KDM4B: variants seen among roughly 807,000 people sequenced by gnomAD.
KDM4B encodes lysine demethylase 4B.
A neutral mutation model predicts 125.2 loss-of-function variants in KDM4B; 32 were observed. That is an observed-to-expected ratio of 0.26 (90% CI 0.19 to 0.34). The LOEUF (loss-of-function observed/expected upper bound fraction) is 0.34, where lower values mean the gene tolerates loss of function less well. KDM4B is among the 10% of genes least tolerant of loss of function. KDM4B has a pLI of 1.00. For missense variants in KDM4B, 1,190 were observed against 1,577.7 expected (o/e 0.75, Z 4.16); for synonymous variants, 721 against 677.9 (o/e 1.06, Z -0.99).
intron 5 of KDM4B, among the ~76,000 whole-genome samples, chr19:5,041,978 G>GTCAAAACTTCGCTTCGTGCAC (rs1435955408): frequency 6.6e-6 from 1 of 152,110 alleles, no homozygotes; most frequent in Non-Finnish European, 1.5e-5. Context: ...TTATGACACG[G>GTCAAAACTTCGCTTCGTGCAC]AGGATTCTGT....
At chr19:5,104,044 G>A (rs1435785430) in intron 9 of KDM4B, among the ~76,000 whole-genome samples, 2 of 152,330 alleles carry the variant, frequency 1.3e-5, no homozygotes, top group Middle Eastern at 6.8e-3. Flanking sequence ...CTGCAGTCTG[G>A]CCCTCCCCTT....
rs148526918 is a variant in KDM4B at position 4,988,153 on chromosome 19, G to A, written c.-109+18923G>A. Among the ~76,000 whole-genome samples, 259 of 152,344 alleles carry A rather than the reference G, an allele frequency of 1.7e-3. 2 individuals carry two copies. The highest frequency in any genetic ancestry group is 5.7e-3 in the Admixed American group (87 of 15,304). Reference sequence around the variant, plus strand: ...TCACTCCTACCTGGGGGCTGCATCGGGCAGGACAGGCTGCGGGCTCCTCCC... The same window carrying A: ...TCACTCCTACCTGGGGGCTGCATCGAGCAGGACAGGCTGCGGGCTCCTCCC... On this transcript the variant is annotated intron_variant, in intron 1 of 22. Coordinates refer to ENST00000159111, the MANE Select transcript of KDM4B (RefSeq NM_015015.3).
rs1430569549 is a variant in KDM4B, at chr19:4,969,884, A to G, written c.-109+654A>G. ...CCCCACCCCGCCATAAGCATATGCA[A>G]TCTGGATTTTAGAAAAAAATCATCT... On this transcript the variant is annotated intron_variant, in intron 1 of 22. Coordinates refer to ENST00000159111, the MANE Select transcript of KDM4B (RefSeq NM_015015.3). Among the ~76,000 whole-genome samples the G allele has an allele frequency of 6.6e-5, 10 of 151,564 alleles. No homozygotes were observed. The East Asian group carries it at 1.9e-3, about 30-fold the overall frequency.
intron 2 of KDM4B, among the ~76,000 whole-genome samples, chr19:5,020,112 G>C (rs2036059911): frequency 6.9e-6 from 1 of 144,660 alleles, no homozygotes; most frequent in South Asian, 2.3e-4. Context: ...TTAGTGTGCA[G>C]GTGTTAGTGT....
At chr19:5,092,687 G>A (rs2038735200) in intron 9 of KDM4B, among the ~76,000 whole-genome samples, 1 of 152,160 alleles carries the variant, frequency 6.6e-6, no homozygotes, top group Non-Finnish European at 1.5e-5. Flanking sequence ...TCAGGCAGAG[G>A]CAGGACCCCC....
At chr19:5,060,640 G>GTGGGGGCTGCCTCCTGGT (rs1187616866) in intron 6 of KDM4B, among the ~76,000 whole-genome samples, 3 of 152,064 alleles carry the variant, frequency 2.0e-5, no homozygotes, top group Non-Finnish European at 4.4e-5. Context: ...TCCAGGCATG[G>GTGGGGGCTGCCTCCTGGT]TGGGGGCTGC....
chr19:5,137,227 C>T, intron 15 of KDM4B, 35 bp from the exon 16 acceptor site: 1 of 1,526,852 alleles, frequency 6.5e-7, no homozygotes, highest in South Asian at 1.2e-5. Flanking sequence ...TCTCACCTGC[C>T]CCCCAGATCT....
At chr19:5,015,256 T>G (rs1295324099) in intron 1 of KDM4B, among the ~76,000 whole-genome samples, 1 of 151,770 alleles carries the variant, frequency 6.6e-6, no homozygotes, top group African/African-American at 2.4e-5. Flanking sequence ...TGAAAGTCCT[T>G]TTTTTTCCCT....
rs144014652 is a variant in KDM4B, at chr19:5,017,613, C to G, written c.-26+1274C>G. Among the ~76,000 whole-genome samples the G allele has an allele frequency of 4.9e-4, 75 of 152,322 alleles. 1 individual carries two copies. The highest frequency in any genetic ancestry group is 1.7e-3 in the African/African-American group (71 of 41,570). ...TGCCTCCTGAAATCTTGCTTTTACC[C>G]TTCAAGTTTGTGCTTCCTTACAAGA... is the stretch of plus-strand genomic sequence containing the variant. On this transcript the variant is annotated intron_variant, in intron 2 of 22. Transcript: ENST00000159111.
At position 5,042,239 on chromosome 19, in the gene KDM4B, C is replaced by T. The variant is rs542638372; in HGVS notation, c.432+988C>T. Among the ~76,000 whole-genome samples the T allele has an allele frequency of 3.9e-5, 6 of 152,280 alleles. 1 individual carries two copies. The South Asian group carries it at 6.2e-4, about 16-fold the overall frequency. ...AACTGAGGCTGGGCGTGGTGGCTGA[C>T]GCCTGAATCCCAGCACTTTGGGAGA... On this transcript the variant is annotated intron_variant, in intron 5 of 22. Transcript: ENST00000159111.
intron 8 of KDM4B, among the ~76,000 whole-genome samples, chr19:5,079,783 T>G (rs1380889424): frequency 1.3e-5 from 2 of 152,254 alleles, no homozygotes; most frequent in Non-Finnish European, 2.9e-5. Context: ...TCCAGGCTGG[T>G]CTCAAGCTCC....
At position 5,119,754 on chromosome 19, in the gene KDM4B, G is replaced by A. The variant is rs1480075470; in HGVS notation, c.1217G>A (p.Gly406Asp). 3.9e-6 allele frequency: 6 copies of A among 1,548,400 alleles called. No homozygotes were observed. The highest frequency in any genetic ancestry group is 3.3e-4 in the Middle Eastern group (2 of 5,974). ...GCAGCGCTCCTAGAGGAGGCTGGGG[G>A]CAGCGTGAAGGAGGAGGCTGGGCCG... ...AGAALLEEAG[G>D]SVKEEAGPEV... Residue 406 changes from glycine (G) to aspartate (D), a missense_variant, in exon 11 of 23, where the codon GGC (glycine) becomes GAC (aspartate). Physicochemically the swap from Gly to Asp is moderately conservative, Grantham distance 94. Transcript: ENST00000159111.
At chr19:4,972,016 C>T (rs2034277735) in intron 1 of KDM4B, among the ~76,000 whole-genome samples, 14 of 152,226 alleles carry the variant, frequency 9.2e-5, no homozygotes, top group Admixed American at 9.2e-4. Context: ...TCATCCACAG[C>T]CTCACCCTAG....
chr19:5,107,301 T>C (rs1417382241), intron 9 of KDM4B, among the ~76,000 whole-genome samples: 1 of 152,186 alleles, frequency 6.6e-6, no homozygotes, highest in Non-Finnish European at 1.5e-5. Flanking sequence ...GATTTCTCCA[T>C]CAGAAACTAA....
chr19:5,039,704 G>A (rs911266005), intron 3 of KDM4B, 132 bp from the exon 4 acceptor site: 70 of 962,542 alleles, frequency 7.3e-5, no homozygotes, highest in Non-Finnish European at 9.7e-5. Context: ...GGGGTTCCTC[G>A]TGCCCCTGGG....
chr19:5,110,881 G>A, intron 10 of KDM4B, 63 bp downstream of exon 10: 1 of 1,385,284 alleles, frequency 7.2e-7, no homozygotes, highest in South Asian at 1.4e-5. Flanking sequence ...CTGCTGGGTG[G>A]CCCAGGCCCC....
chr19:4,969,363 G>C (rs2034161686), intron 1 of KDM4B, 133 bp downstream of exon 1: 1 of 142,930 alleles, frequency 7.0e-6, no homozygotes, highest in African/African-American at 2.5e-5. Context: ...GCCTGCTCGG[G>C]CCGGGCCTCG....
At chr19:5,011,552 C>T (rs2035728712) in intron 1 of KDM4B, among the ~76,000 whole-genome samples, 1 of 152,198 alleles carries the variant, frequency 6.6e-6, no homozygotes, top group South Asian at 2.1e-4. Context: ...TGGCATGTCC[C>T]TTTTGAAGGC....
At chr19:5,103,186 C>T (rs1239837336) in intron 9 of KDM4B, among the ~76,000 whole-genome samples, 1 of 152,182 alleles carries the variant, frequency 6.6e-6, no homozygotes, top group Non-Finnish European at 1.5e-5. Context: ...GCCCTGGCCA[C>T]TCCTCAGCTC....
Sources: allele counts gnomAD v4.1 joint callset (sites outside exome capture counted in the v4.1 genomes callset), GRCh38; gene constraint gnomAD v4.1.1; transcripts MANE v1.5; gene names NCBI Gene and HGNC (gene_info 2026-07-23, HGNC 2026-07-21).